Variants in IQCH observed in about 807,000 individuals in gnomAD.
IQCH encodes the protein IQ domain-containing protein H.
In IQCH, 98 loss-of-function variants were observed where a neutral mutation model predicts 117.0. The observed-to-expected ratio is 0.84, with a 90% confidence interval of 0.71 to 0.99. The LOEUF (loss-of-function observed/expected upper bound fraction) is 0.99. Ranked by LOEUF, IQCH falls within the 50% of genes least tolerant of loss-of-function variation. The probability of loss-of-function intolerance (pLI) is 0.00; values close to 1 mark genes in which losing one functional copy is unlikely to be tolerated. For synonymous variants in IQCH, 412 were observed against 448.2 expected, an observed-to-expected ratio of 0.92 and a Z score of 1.02; for missense variants, 1,102 against 1,243.8, an observed-to-expected ratio of 0.89 and a Z score of 1.72.
rs1420388650 is a variant in IQCH at position 67,467,050 on chromosome 15, C to G, written c.2676+1753C>G. The G allele has an allele frequency of 1.3e-5, 2 of 152,348 alleles. No individual in the cohort carries two copies. Among genetic ancestry groups the G allele is most frequent in the African/African-American group, 2.4e-5 (1 of 41,424 alleles). The allele number at this position is 152,348 out of a possible 1,614,324, so 9.4% of individuals were successfully genotyped here. ...ACCAGCCTAGGCAACATGGCAAAAC[C>G]CTGTCTCTACAAAAATACAAAAATT... is the stretch of plus-strand genomic sequence containing the variant. On this transcript the variant is annotated intron_variant, in intron 17 of 20. Coordinates refer to ENST00000335894, the MANE Select transcript of IQCH (RefSeq NM_001031715.3). This position sits in a 1 kb window ranked among gnomAD's most constrained non-coding sequence, Gnocchi z 5.7.
chr15:67,361,146 G>A (rs1970113615), intron 8 of IQCH, among the ~76,000 whole-genome samples: 1 of 152,232 alleles, frequency 6.6e-6, no homozygotes, highest in South Asian at 2.1e-4. Context: ...CCAGCTGACA[G>A]AGTGAAGCTC....
rs1970575828 is a variant in IQCH, at chr15:67,372,468, G to A, written c.1111G>A (p.Glu371Lys). 1.2e-6 allele frequency: 2 copies of A among 1,613,976 alleles called. No individual in the cohort carries two copies. The highest frequency in any genetic ancestry group is 1.1e-5 in the South Asian group (1 of 91,052). ...GTACAAGGGCCAAGATGGAAATTCG[G>A]AGGCCGCCATGAAGATCCAAGCCAC... ...QRYKGQDGNS[E>K]AAMKIQATWK... Residue 371 changes from glutamate (E) to lysine (K), a missense_variant, in exon 9 of 21, where the codon GAG (glutamate) becomes AAG (lysine). Glu to Lys is a moderately conservative substitution (Grantham distance 56). Transcript: ENST00000335894.
At position 67,372,292 on chromosome 15, in the gene IQCH, A is replaced by G. The variant is rs757529587; in HGVS notation, c.935A>G (p.Tyr312Cys). Residue 312 changes from tyrosine (Y) to cysteine (C), a missense_variant, in exon 9 of 21, where the codon TAT becomes TGT. Physicochemically the swap from Tyr to Cys is radical, Grantham distance 194. This residue lies in a region of IQCH where 452 missense variants were observed against 449.6 expected (regional missense o/e 1.01). Transcript: ENST00000335894. ...LEHVEKFLRN[Y>C]AIPEVKIKGN... is the part of the protein sequence containing the mutation. ...CACGTCGAGAAGTTTCTCAGGAACTATGCTATACCAGAAGTCAAAATAAAA... is the reference window on the plus strand; with the variant it reads ...CACGTCGAGAAGTTTCTCAGGAACTGTGCTATACCAGAAGTCAAAATAAAA... 10 of 1,614,008 alleles carry G rather than the reference A, an allele frequency of 6.2e-6. No homozygotes were observed. Among genetic ancestry groups the G allele is most frequent in the African/African-American group, 2.7e-5 (2 of 74,912 alleles).
At chr15:67,462,060 C>T (rs1453856917) in intron 16 of IQCH, among the ~76,000 whole-genome samples, 1 of 151,826 alleles carries the variant, frequency 6.6e-6, no homozygotes, top group East Asian at 2.0e-4. Flanking sequence ...GAACTCCTGG[C>T]CTCAAGTGGC....
At position 67,387,900 on chromosome 15, in the gene IQCH, C is replaced by T. The variant is rs1421780424; in HGVS notation, c.1457-931C>T. Among the ~76,000 whole-genome samples the T allele has an allele frequency of 6.6e-6, 1 of 152,142 alleles. No individual in the cohort carries two copies. Among genetic ancestry groups the T allele is most frequent in the African/African-American group, 2.4e-5 (1 of 41,426 alleles). On this transcript the variant is annotated intron_variant, in intron 11 of 20. Transcript: ENST00000335894. The surrounding 1 kb of genome is among the most constrained non-coding windows in gnomAD (Gnocchi z 4.8). ...AAGATCCTCTCTTTGCCCTGCTTGC[C>T]TAAGAAAACGTTTACAGTGCTCCCT...
intron 3 of IQCH, among the ~76,000 whole-genome samples, chr15:67,271,189 C>T (rs188408317): frequency 1.0e-3 from 153 of 152,252 alleles, no homozygotes; most frequent in Non-Finnish European, 1.9e-3. Context: ...AGGCTGGTCT[C>T]GAACTCCTGA....
In IQCH at chr15:67,467,549, G is replaced by A. The variant is rs900524642; in HGVS notation, c.2676+2252G>A. ...TTCTGGTGTAGGAATAAATTGAAAG[G>A]GCTTTTCATTTTAGAAAGATACAGA... On this transcript the variant is annotated intron_variant, in intron 17 of 20. Transcript: ENST00000335894. This position sits in a 1 kb window ranked among gnomAD's most constrained non-coding sequence, Gnocchi z 5.7. Among the ~76,000 whole-genome samples, 11 of 152,172 alleles carry A rather than the reference G, an allele frequency of 7.2e-5. No individual in the cohort carries two copies. The highest frequency in any genetic ancestry group is 1.3e-4 in the Non-Finnish European group (9 of 68,034).
chr15:67,367,233 C>A (rs1004477621), intron 8 of IQCH, among the ~76,000 whole-genome samples: 1 of 152,098 alleles, frequency 6.6e-6, no homozygotes, highest in African/African-American at 2.4e-5. Flanking sequence ...TGCTTTCCAG[C>A]CTGTCAAATA....
Position 67,391,089 on chromosome 15 carries a change from C to G in IQCH, c.1632+2083C>G, listed in dbSNP as rs1393580203. On this transcript the variant is annotated intron_variant, in intron 12 of 20. Coordinates refer to ENST00000335894, the MANE Select transcript of IQCH (RefSeq NM_001031715.3). This position sits in a 1 kb window ranked among gnomAD's most constrained non-coding sequence, Gnocchi z 4.3. ...CAGAGTCATCTTCAACTCTATCATC[C>G]TATTACCTGAGAACCATACCCTTGC... Among the ~76,000 whole-genome samples, 1 of 152,166 alleles carries G rather than the reference C, an allele frequency of 6.6e-6. No individual in the cohort carries two copies. The highest frequency in any genetic ancestry group is 1.5e-5 in the Non-Finnish European group (1 of 68,028).
At position 67,307,036 on chromosome 15, in the gene IQCH, G is replaced by C. The variant is rs1036029797; in HGVS notation, c.387+27524G>C. The stretch of plus-strand genomic sequence containing the variant: ...ACATGAATTTTAAAAGAACAATTAT[G>C]AATGCATAACAAAATAGCCAAACCA... On this transcript the variant is annotated intron_variant, in intron 4 of 20. Transcript: ENST00000335894. 18 of 1,325,454 alleles carry C rather than the reference G, an allele frequency of 1.4e-5. No homozygotes were observed. In the African/African-American group the frequency reaches 2.6e-4, roughly 19 times the overall value. The allele number at this position is 1,325,454 out of a possible 1,614,324, so 82.1% of individuals were successfully genotyped here. A position where few individuals can be genotyped will look rare whatever the true frequency, so the allele number is the denominator to read the frequency against.
At chr15:67,389,934 G>A (rs907107577) in intron 12 of IQCH, among the ~76,000 whole-genome samples, 1 of 151,656 alleles carries the variant, frequency 6.6e-6, no homozygotes, top group African/African-American at 2.4e-5. Context: ...AGGACTGGGG[G>A]AGTTTCTATA....
Position 67,254,884 on chromosome 15 carries a change from C to A in IQCH, c.-13C>A. ...CCGCGCCTCCGCGGAGGTAGCCGTT[C>A]CCTGACCTAGCCATGGCACAGAACA... is the stretch of plus-strand genomic sequence containing the variant. On this transcript the variant is annotated 5_prime_UTR_variant, in exon 1 of 21. Coordinates refer to ENST00000335894, the MANE Select transcript of IQCH (RefSeq NM_001031715.3). 3 of 1,613,260 alleles carry A rather than the reference C, an allele frequency of 1.9e-6. No individual in the cohort carries two copies. The highest frequency in any genetic ancestry group is 1.7e-6 in the Non-Finnish European group (2 of 1,179,504).
chr15:67,263,272 C>A, intron 3 of IQCH, 56 bp downstream of exon 3: 1 of 890,966 alleles, frequency 1.1e-6, no homozygotes. Flanking sequence ...AATAACTTTT[C>A]TCACTCAAGT....
chr15:67,306,253 A>G (rs977012536), intron 4 of IQCH, among the ~76,000 whole-genome samples: 10 of 152,144 alleles, frequency 6.6e-5, no homozygotes, highest in Admixed American at 4.6e-4. Context: ...AAACAGTCAT[A>G]TAAAGCATTT....
chr15:67,389,901 A>G (rs920897874), intron 12 of IQCH, among the ~76,000 whole-genome samples: 12 of 146,324 alleles, frequency 8.2e-5, no homozygotes, highest in East Asian at 2.0e-4. Context: ...GGGGTGGGGG[A>G]GGGACCTAAG....
In IQCH at chr15:67,384,857, G is replaced by A. The variant is rs902329573; in HGVS notation, c.1373-79G>A. 3.3e-6 allele frequency: 3 copies of A among 923,040 alleles called. No homozygotes were observed. Among genetic ancestry groups the A allele is most frequent in the African/African-American group, 3.3e-5 (2 of 60,814 alleles). The allele number at this position is 923,040 out of a possible 1,614,324, so 57.2% of individuals were successfully genotyped here. A position where few individuals can be genotyped will look rare whatever the true frequency, so the allele number is the denominator to read the frequency against. On this transcript the variant is annotated intron_variant, in intron 10 of 20. Coordinates refer to ENST00000335894, the MANE Select transcript of IQCH (RefSeq NM_001031715.3). The surrounding 1 kb of genome is among the most constrained non-coding windows in gnomAD (Gnocchi z 4.3). ...ATTTTTTCCTGGAAATATGGACTGTGACATTTTGAAATTCTCTTGTGCCAT... is the reference window on the plus strand; with the variant it reads ...ATTTTTTCCTGGAAATATGGACTGTAACATTTTGAAATTCTCTTGTGCCAT...
intron 10 of IQCH, among the ~76,000 whole-genome samples, chr15:67,374,788 G>A (rs1567137912): frequency 6.6e-6 from 1 of 152,220 alleles, no homozygotes; most frequent in African/African-American, 2.4e-5. Flanking sequence ...AATTGCACTT[G>A]TAGTTGATTG....
rs528356203 is a variant in IQCH at position 67,256,675 on chromosome 15, T to C, written c.51+1728T>C. On this transcript the variant is annotated intron_variant, in intron 1 of 20. Transcript: ENST00000335894. ...AGATTCCAAATAATTAGAACAATAATGGAGACTCTTACCTAGGATACAACA... is the reference window on the plus strand; with the variant it reads ...AGATTCCAAATAATTAGAACAATAACGGAGACTCTTACCTAGGATACAACA... 2.0e-5 allele frequency among the ~76,000 whole-genome samples: 3 copies of C among 152,298 alleles called. No individual in the cohort carries two copies. In the East Asian group the frequency reaches 5.8e-4, roughly 29 times the overall value.
chr15:67,347,801 A>G (rs977747849), intron 6 of IQCH, among the ~76,000 whole-genome samples: 5 of 145,354 alleles, frequency 3.4e-5, no homozygotes, highest in Admixed American at 6.9e-5. Flanking sequence ...TGCTCTGTCT[A>G]TATATATATA....
Sources: allele counts gnomAD v4.1 joint callset (sites outside exome capture counted in the v4.1 genomes callset), GRCh38; gene constraint gnomAD v4.1.1; regional missense constraint gnomAD v4.1.1; non-coding constraint Gnocchi (gnomAD v3.1); transcripts MANE v1.5; gene names NCBI Gene and HGNC (gene_info 2026-07-23, HGNC 2026-07-21).